PKD2L1: variants seen among roughly 807,000 people sequenced by gnomAD.
The protein encoded by PKD2L1 is polycystin 2 like 1, transient receptor potential cation channel, also known as polycystin-2-like protein 1.
A neutral mutation model predicts 93.0 loss-of-function variants in PKD2L1; 77 were observed. The ratio of observed to expected loss-of-function variants is 0.83; its 90% CI spans 0.69 to 1.00. The LOEUF (loss-of-function observed/expected upper bound fraction) is 1.00. Among genes scored for constraint, PKD2L1 ranks in the 50% least tolerant of loss-of-function variants. The pLI is 0.00. For missense variants in PKD2L1, 977 were observed against 990.9 expected (o/e 0.99, Z 0.19); for synonymous variants, 390 against 388.0 (o/e 1.01, Z -0.06).
intron 2 of PKD2L1, among the ~76,000 whole-genome samples, chr10:100,315,332 A>G (rs890525250): frequency 1.3e-5 from 2 of 152,082 alleles, no homozygotes; most frequent in African/African-American, 4.8e-5. Context: ...ATAGGTATAC[A>G]TGTGCCATGG....
chr10:100,326,852 T>C (rs575500032), intron 2 of PKD2L1, among the ~76,000 whole-genome samples: 1 of 152,232 alleles, frequency 6.6e-6, no homozygotes, highest in African/African-American at 2.4e-5. Context: ...GCCCATGCCT[T>C]CAATCCCTAC....
intron 9 of PKD2L1, among the ~76,000 whole-genome samples, 161 bp downstream of exon 9, chr10:100,294,374 G>A (rs1170116282): frequency 6.6e-6 from 1 of 152,066 alleles, no homozygotes; most frequent in Non-Finnish European, 1.5e-5. Context: ...CATGCTGGCT[G>A]TACTACATTA....
At chr10:100,297,635 C>A in intron 4 of PKD2L1, 29 bp from the exon 5 acceptor site, 1 of 1,559,924 alleles carries the variant, frequency 6.4e-7, no homozygotes. Context: ...GCTGAGCCAG[C>A]CCAAAAGTTC....
At chr10:100,304,322 C>T (rs1848750096) in intron 2 of PKD2L1, among the ~76,000 whole-genome samples, 1 of 152,100 alleles carries the variant, frequency 6.6e-6, no homozygotes, top group African/African-American at 2.4e-5. Flanking sequence ...TTTATGAAAC[C>T]CAAACCGAGT....
intron 13 of PKD2L1, 58 bp downstream of exon 13, chr10:100,290,343 A>G: frequency 7.6e-7 from 1 of 1,308,816 alleles, no homozygotes; most frequent in South Asian, 1.2e-5. Flanking sequence ...AGTACAAGAC[A>G]GGGTATCGTA....
At position 100,297,011 on chromosome 10, in the gene PKD2L1, A is replaced by G. The variant is rs768335459; in HGVS notation, c.1154T>C (p.Ile385Thr). The G allele has an allele frequency of 6.2e-7, 1 of 1,613,886 alleles. No individual in the cohort carries two copies. The highest frequency in any genetic ancestry group is 1.3e-5 in the African/African-American group (1 of 75,040). ...GACCACCAGGTCCAGTATGTTCCAG[A>G]TGCTGCTGAGGTAGCGAAGCCGGTG... ...HIHRLRYLSSIWNILDLVVIL... is the reference protein window; with the variant it reads ...HIHRLRYLSSTWNILDLVVIL... The change falls in exon 6 of 16, where the codon ATC becomes ACC. Residue 385 changes from isoleucine to threonine, a missense_variant. By Grantham distance (89) the Ile-to-Thr change is moderately conservative (BLOSUM62 -1). Coordinates refer to ENST00000318222, the MANE Select transcript of PKD2L1 (RefSeq NM_016112.3).
intron 9 of PKD2L1, among the ~76,000 whole-genome samples, chr10:100,293,597 G>A (rs1362209207): frequency 2.6e-5 from 4 of 152,114 alleles, no homozygotes; most frequent in Non-Finnish European, 5.9e-5. Context: ...CCAACCTGGT[G>A]TCCTCACTCT....
chr10:100,305,846 G>A (rs1848787194), intron 2 of PKD2L1, among the ~76,000 whole-genome samples: 1 of 152,110 alleles, frequency 6.6e-6, no homozygotes, highest in Admixed American at 6.6e-5. Flanking sequence ...CCGATGATAA[G>A]CAAACTTTAG....
At chr10:100,289,858 A>T (rs190909571) in intron 14 of PKD2L1, among the ~76,000 whole-genome samples, 157 bp downstream of exon 14, 12 of 152,212 alleles carry the variant, frequency 7.9e-5, no homozygotes, top group African/African-American at 2.9e-4. Flanking sequence ...TATCTCCATG[A>T]CCCATCTCTG....
chr10:100,328,383 C>G (rs1024944091), intron 2 of PKD2L1, among the ~76,000 whole-genome samples: 2 of 152,196 alleles, frequency 1.3e-5, no homozygotes, highest in Non-Finnish European at 2.9e-5. Flanking sequence ...ACATGGTGGT[C>G]TCTCACATGG....
At chr10:100,295,530 G>A (rs560093997) in intron 7 of PKD2L1, among the ~76,000 whole-genome samples, 29 of 151,152 alleles carry the variant, frequency 1.9e-4, no homozygotes, top group African/African-American at 6.8e-4. Flanking sequence ...TCAGGAGTTC[G>A]AGACCAGCCT....
chr10:100,315,607 A>T (rs1256415682), intron 2 of PKD2L1, among the ~76,000 whole-genome samples: 1 of 152,230 alleles, frequency 6.6e-6, no homozygotes, highest in Non-Finnish European at 1.5e-5. Context: ...CTTTTAAAAA[A>T]CAAGGACTAT....
chr10:100,309,768 A>G (rs555544193), intron 2 of PKD2L1, among the ~76,000 whole-genome samples: 1 of 152,330 alleles, frequency 6.6e-6, no homozygotes, highest in East Asian at 1.9e-4. Flanking sequence ...TGAATGAGAA[A>G]GCCCCAGAAG....
rs566009954 is a variant in PKD2L1, at chr10:100,329,444, T to C, written c.236-120A>G. The C allele has an allele frequency of 2.2e-6, 3 of 1,392,126 alleles. No individual in the cohort carries two copies. In the African/African-American group the frequency reaches 4.3e-5, roughly 20 times the overall value. 86.2% of individuals were successfully genotyped at this position (1,392,126 alleles called of 1,614,324 possible). On this transcript the variant is annotated intron_variant, in intron 1 of 15. Transcript: ENST00000318222. ...CCCCTGCCCTTCCTTGCCCATCACCTTCATCCTTGGCTGAATCTGGCTACT... is the reference window on the plus strand; with the variant it reads ...CCCCTGCCCTTCCTTGCCCATCACCCTCATCCTTGGCTGAATCTGGCTACT...
intron 2 of PKD2L1, among the ~76,000 whole-genome samples, chr10:100,322,008 T>G (rs1287638420): frequency 1.3e-5 from 2 of 151,590 alleles, no homozygotes; most frequent in Non-Finnish European, 2.9e-5. Context: ...TTTGGAAGGC[T>G]TGAGCCCAGG....
Position 100,290,447 on chromosome 10 carries a change from C to G in PKD2L1, c.2080G>C (p.Glu694Gln). Residue 694 changes from glutamate (E) to glutamine (Q), a missense_variant, in exon 13 of 16, where the codon GAG becomes CAG. Physicochemically the swap from Glu to Gln is conservative, Grantham distance 29. Transcript: ENST00000318222. ...VSSPQGKSGP[E>Q]AARAGGWVSG... ...ACCCAGCCTCCTGCTCTGGCAGCCT[C>G]TGGACCCGATTTGCCTTGTGGGCTG... 2 of 1,613,796 alleles carry G rather than the reference C, an allele frequency of 1.2e-6. No individual in the cohort carries two copies.
At position 100,321,876 on chromosome 10, in the gene PKD2L1, CAGGG is replaced by C. The variant is rs1174688077; in HGVS notation, c.349+7331_349+7334del. 5.4e-4 allele frequency among the ~76,000 whole-genome samples: 4 copies of C among 7,378 alleles called. 2 individuals carry two copies. The highest frequency in any genetic ancestry group is 0.013 in the East Asian group (2 of 152). 4.8% of individuals were successfully genotyped at this position (7,378 alleles called of 152,430 possible). A position where few individuals can be genotyped will look rare whatever the true frequency, so the allele number is the denominator to read the frequency against. On this transcript the variant is annotated intron_variant, in intron 2 of 15. Transcript: ENST00000318222. The stretch of plus-strand genomic sequence containing the variant: ...GAAGGCAGGCAGGCAGGCAGGCAGG[CAGGG>C]AGGGAGGGAGGGAGGGAAGGAAGCA...
intron 13 of PKD2L1, 126 bp from the exon 14 acceptor site, chr10:100,290,264 G>C: frequency 1.5e-6 from 2 of 1,367,614 alleles, no homozygotes; most frequent in Non-Finnish European, 2.0e-6. Context: ...ACCCAGCCTT[G>C]TAGGCAGAAT....
chr10:100,303,191 G>GCTTT (rs757695287), intron 2 of PKD2L1, among the ~76,000 whole-genome samples: 1 of 128,984 alleles, frequency 7.8e-6, no homozygotes, highest in East Asian at 2.3e-4. Flanking sequence ...ACATCAAACT[G>GCTTT]TTTTTTTGTT....
Sources: allele counts gnomAD v4.1 joint callset (sites outside exome capture counted in the v4.1 genomes callset), GRCh38; gene constraint gnomAD v4.1.1; transcripts MANE v1.5; gene names NCBI Gene and HGNC (gene_info 2026-07-23, HGNC 2026-07-21).